The following NOL4L variants were observed in gnomAD, a reference collection of about 807,000 sequenced individuals.
The protein encoded by NOL4L is nucleolar protein 4-like.
NOL4L carries 7 observed loss-of-function variants against 64.5 expected under a neutral mutation model. The observed-to-expected ratio is 0.11, with a 90% CI of 0.06 to 0.20. NOL4L has a LOEUF of 0.20. Ranked by LOEUF, NOL4L falls within the 10% of genes least tolerant of loss-of-function variation. The pLI, the probability that NOL4L is intolerant of heterozygous loss-of-function variation, is 1.00. For missense variants in NOL4L, 680 were observed against 967.1 expected (o/e 0.70, Z 3.94); for synonymous variants, 413 against 401.0 (o/e 1.03, Z -0.36).
intron 1 of NOL4L, chr20:32,536,189 A>C (rs1284370680): frequency 5.1e-6 from 5 of 985,120 alleles, no homozygotes; most frequent in Non-Finnish European, 4.8e-6. Flanking sequence ...TACTCTGGCG[A>C]CCCGCCTCCC....
intron 1 of NOL4L, among the ~76,000 whole-genome samples, chr20:32,574,565 C>T (rs1177776019): frequency 2.0e-5 from 3 of 152,142 alleles, no homozygotes; most frequent in African/African-American, 7.2e-5. Context: ...GTGTTTTTCT[C>T]GACTCGCCAG....
intron 4 of NOL4L, among the ~76,000 whole-genome samples, chr20:32,488,799 CTTTCTTT>C (rs1303856044): frequency 2.7e-5 from 1 of 36,538 alleles, no homozygotes; most frequent in East Asian, 1.6e-3. Context: ...TCCTTTCTTT[CTTTCTTT>C]TTCTTTCTTT....
intron 1 of NOL4L, chr20:32,536,240 A>AGG (rs960856026): frequency 3.0e-6 from 3 of 985,288 alleles, no homozygotes; most frequent in Non-Finnish European, 3.6e-6. Context: ...GAGTCACCGA[A>AGG]GGGGGGGTCC....
rs1186246910 is a variant in NOL4L, at chr20:32,536,798, G to T, written c.322-8885C>A. ...CTCCGCGGCTGCAGCCCGGCTGGGA[G>T]TGGGGGGGGGGGGGCGCACCAACGG... On this transcript the variant is annotated intron_variant, in intron 1 of 10. Transcript: ENST00000621426. Among the ~76,000 whole-genome samples the T allele has an allele frequency of 1.7e-4, 14 of 84,396 alleles. 1 individual carries two copies. Among genetic ancestry groups the T allele is most frequent in the African/African-American group, 6.4e-4 (14 of 21,958 alleles). 55.4% of individuals were successfully genotyped at this position (84,396 alleles called of 152,430 possible).
At chr20:32,581,102 G>GAGA (rs1980443867) in intron 1 of NOL4L, among the ~76,000 whole-genome samples, 2 of 152,196 alleles carry the variant, frequency 1.3e-5, no homozygotes, top group African/African-American at 4.8e-5. Context: ...GCTGGCTCTT[G>GAGA]TCATAAAGAG....
chr20:32,508,446 G>A (rs988040983), intron 4 of NOL4L, among the ~76,000 whole-genome samples: 18 of 152,196 alleles, frequency 1.2e-4, no homozygotes, highest in East Asian at 1.9e-4. Context: ...CAGGGATAAC[G>A]GCACTGCCTA....
chr20:32,532,423 A>G, intron 1 of NOL4L: 1 of 974,866 alleles, frequency 1.0e-6, no homozygotes. Flanking sequence ...AACCCTGAGA[A>G]GACAGCAACA....
At chr20:32,493,861 T>C (rs2016563066) in intron 4 of NOL4L, among the ~76,000 whole-genome samples, 1 of 152,118 alleles carries the variant, frequency 6.6e-6, no homozygotes, top group South Asian at 2.1e-4. Context: ...GACTGTTGCT[T>C]TCTTTTTCCT....
At chr20:32,490,128 C>CAAAA (rs747449024) in intron 4 of NOL4L, among the ~76,000 whole-genome samples, 6 of 69,090 alleles carry the variant, frequency 8.7e-5, no homozygotes, top group African/African-American at 4.0e-4. Context: ...GACTCCATCT[C>CAAAA]AAAAAAAAAA....
At position 32,528,785 on chromosome 20, in the gene NOL4L, T is replaced by C. The variant is rs192819451; in HGVS notation, c.322-872A>G. Among the ~76,000 whole-genome samples the C allele has an allele frequency of 1.2e-4, 18 of 152,258 alleles. No homozygotes were observed. The East Asian group carries it at 3.5e-3, about 29-fold the overall frequency. On this transcript the variant is annotated intron_variant, in intron 1 of 10. Coordinates refer to ENST00000621426, the MANE Select transcript of NOL4L (RefSeq NM_001256798.2). ...GTGCAGGCAGTCCTCACAAGGGAGATACACAGACCCAGAGACACTAGGCTG... is the reference window on the plus strand; with the variant it reads ...GTGCAGGCAGTCCTCACAAGGGAGACACACAGACCCAGAGACACTAGGCTG...
chr20:32,494,266 AAAAAAAAAAAAAAAAAC>A (rs1184958971), intron 4 of NOL4L, among the ~76,000 whole-genome samples: 11 of 141,084 alleles, frequency 7.8e-5, no homozygotes, highest in Admixed American at 1.4e-4. Flanking sequence ...AAAAAAAAAA[AAAAAAAAAAAAAAAAAC>A]ACACAACACA....
rs571687977 is a variant in NOL4L at position 32,481,381 on chromosome 20, C to T, written c.700-6639G>A. On this transcript the variant is annotated intron_variant, in intron 4 of 10. Transcript: ENST00000621426. ...GCCAAAAGGAAGGCTGGAAGGGAGC[C>T]GCTGTGAGCTAATCCCCTGCAGGGC... Among the ~76,000 whole-genome samples, 4 of 152,270 alleles carry T rather than the reference C, an allele frequency of 2.6e-5. No individual in the cohort carries two copies. The East Asian group carries it at 5.8e-4, about 22-fold the overall frequency.
At chr20:32,584,156 C>A (rs1426743510) in intron 1 of NOL4L, among the ~76,000 whole-genome samples, 1 of 145,702 alleles carries the variant, frequency 6.9e-6, no homozygotes, top group African/African-American at 2.5e-5. Flanking sequence ...CACACACACA[C>A]ACACACACAC....
Position 32,527,738 on chromosome 20 carries a change from C to T in NOL4L, c.477+20G>A. On this transcript the variant is annotated intron_variant, in intron 2 of 10. Coordinates refer to ENST00000621426, the MANE Select transcript of NOL4L (RefSeq NM_001256798.2). ...CAAGGCCTGGGGCTGCCAGTGGAGGCAAAGAGACAGAAATCTCACCGCTCG... is the reference window on the plus strand; with the variant it reads ...CAAGGCCTGGGGCTGCCAGTGGAGGTAAAGAGACAGAAATCTCACCGCTCG... 1 of 1,539,088 alleles carries T rather than the reference C, an allele frequency of 6.5e-7. No individual in the cohort carries two copies. The highest frequency in any genetic ancestry group is 8.8e-7 in the Non-Finnish European group (1 of 1,138,778).
intron 1 of NOL4L, chr20:32,564,917 GAGGCTGGGCCGTGGCCAGGA>G (rs1333779365): frequency 6.6e-6 from 1 of 152,358 alleles, no homozygotes; most frequent in South Asian, 2.1e-4. Context: ...CAAGGGCTGG[GAGGCTGGGCCGTGGCCAGGA>G]AGGCTGGCCC....
At chr20:32,571,664 C>A (rs1312854911) in intron 1 of NOL4L, among the ~76,000 whole-genome samples, 1 of 152,218 alleles carries the variant, frequency 6.6e-6, no homozygotes, top group Non-Finnish European at 1.5e-5. Context: ...TTCCGTGCTT[C>A]CTCCCCAGCC....
chr20:32,482,580 C>G (rs577108234), intron 4 of NOL4L, among the ~76,000 whole-genome samples: 1 of 151,984 alleles, frequency 6.6e-6, no homozygotes, highest in Non-Finnish European at 1.5e-5. Flanking sequence ...TTAACCCCTG[C>G]GCGCGCCCTC....
chr20:32,510,295 A>G (rs1600791536), intron 4 of NOL4L: 1 of 276,928 alleles, frequency 3.6e-6, no homozygotes. Context: ...TGGGGACAGG[A>G]GGGCTGGCCG....
At chr20:32,458,498 C>T (rs1304434968) in intron 5 of NOL4L, among the ~76,000 whole-genome samples, 2 of 152,248 alleles carry the variant, frequency 1.3e-5, no homozygotes, top group Admixed American at 1.3e-4. Flanking sequence ...CCAGGACAGA[C>T]CCTGTCACCA....
Sources: gnomAD v4.1 joint callset for allele counts (sites outside exome capture counted in the v4.1 genomes callset) on GRCh38, gnomAD v4.1.1 for gene constraint, MANE v1.5 for transcripts, NCBI Gene and HGNC (gene_info 2026-07-23, HGNC 2026-07-21) for gene names.